Variants in ASIC2 observed in about 807,000 individuals in gnomAD.
ASIC2 encodes the protein acid-sensing ion channel 2.
A neutral mutation model predicts 57.3 loss-of-function variants in ASIC2; 25 were observed. That is an observed-to-expected ratio of 0.44 (90% CI 0.32 to 0.61). ASIC2 has a LOEUF of 0.61. Ranked by LOEUF, ASIC2 falls within the 20% of genes least tolerant of loss-of-function variation. The probability of loss-of-function intolerance (pLI) is 0.06; values close to 1 mark genes in which losing one functional copy is unlikely to be tolerated. For missense variants in ASIC2, 641 were observed against 738.1 expected (o/e 0.87, Z 1.52); for synonymous variants, 319 against 307.5 (o/e 1.04, Z -0.39).
intron 1 of ASIC2, among the ~76,000 whole-genome samples, chr17:34,151,125 AT>A (rs1567617231): frequency 6.8e-6 from 1 of 147,322 alleles, no homozygotes; most frequent in African/African-American, 2.5e-5. Context: ...AAAAAAAAAA[AT>A]AAAGAGGTAG....
chr17:33,014,169 T>C, intron 9 of ASIC2, 103 bp from the exon 10 acceptor site: 1 of 856,808 alleles, frequency 1.2e-6, no homozygotes, highest in Non-Finnish European at 1.9e-6. Context: ...GCTCCCCACT[T>C]GTGGGCTGCT....
intron 1 of ASIC2, among the ~76,000 whole-genome samples, chr17:33,933,887 A>C (rs770333581): frequency 1.3e-5 from 2 of 152,098 alleles, no homozygotes; most frequent in Non-Finnish European, 2.9e-5. Flanking sequence ...GCTGCAGGAG[A>C]TTTTCATGCC....
At chr17:33,511,437 G>A (rs1263120963) in intron 1 of ASIC2, among the ~76,000 whole-genome samples, 1 of 151,974 alleles carries the variant, frequency 6.6e-6, no homozygotes, top group Non-Finnish European at 1.5e-5. Context: ...CTCTATTCTT[G>A]CTCCTTTTCC....
At chr17:33,341,813 T>C (rs1173458392) in intron 1 of ASIC2, among the ~76,000 whole-genome samples, 1 of 152,110 alleles carries the variant, frequency 6.6e-6, no homozygotes, top group Non-Finnish European at 1.5e-5. Context: ...CTAGTGGCTG[T>C]TGGGATAAAC....
chr17:33,660,081 G>T (rs1258318666), intron 1 of ASIC2, among the ~76,000 whole-genome samples: 1 of 151,456 alleles, frequency 6.6e-6, no homozygotes, highest in African/African-American at 2.4e-5. Context: ...AGACTCTGTC[G>T]CAAAAAACAA....
At chr17:33,511,394 T>C (rs1914427447) in intron 1 of ASIC2, among the ~76,000 whole-genome samples, 1 of 152,204 alleles carries the variant, frequency 6.6e-6, no homozygotes, top group African/African-American at 2.4e-5. Context: ...CAACTCAGCA[T>C]GTCCCATCTA....
At chr17:33,530,786 G>T (rs1361176454) in intron 1 of ASIC2, among the ~76,000 whole-genome samples, 3 of 152,196 alleles carry the variant, frequency 2.0e-5, no homozygotes, top group African/African-American at 7.2e-5. Context: ...GTTGGAGACT[G>T]CCTCTCATAG....
intron 1 of ASIC2, among the ~76,000 whole-genome samples, chr17:33,422,105 G>A (rs1911064380): frequency 6.6e-6 from 1 of 152,178 alleles, no homozygotes; most frequent in African/African-American, 2.4e-5. Flanking sequence ...TCCCTGACCT[G>A]CCTCCAGATG....
chr17:33,031,684 T>C (rs1028889220), intron 3 of ASIC2, among the ~76,000 whole-genome samples: 2 of 152,202 alleles, frequency 1.3e-5, no homozygotes, highest in African/African-American at 2.4e-5. Context: ...TAATCAGTTA[T>C]GAGAGAGGAG....
chr17:34,090,047 T>G (rs1006153136), intron 1 of ASIC2, among the ~76,000 whole-genome samples: 1 of 152,178 alleles, frequency 6.6e-6, no homozygotes, highest in South Asian at 2.1e-4. Flanking sequence ...CACAGTCTGA[T>G]GGAAGCTTCA....
intron 1 of ASIC2, among the ~76,000 whole-genome samples, chr17:33,387,291 G>A (rs1247136495): frequency 6.6e-6 from 1 of 152,166 alleles, no homozygotes; most frequent in African/African-American, 2.4e-5. Context: ...GAAAGATTAA[G>A]GAACTCATCA....
At chr17:33,225,066 A>G (rs1162704058) in intron 1 of ASIC2, among the ~76,000 whole-genome samples, 79 of 152,116 alleles carry the variant, frequency 5.2e-4, no homozygotes, top group Non-Finnish European at 1.0e-4. Context: ...TAGAAAAGGC[A>G]CCTCCTGAGT....
At chr17:34,098,593 G>A (rs1375422136) in intron 1 of ASIC2, among the ~76,000 whole-genome samples, 1 of 152,106 alleles carries the variant, frequency 6.6e-6, no homozygotes, top group Non-Finnish European at 1.5e-5. Context: ...CTAACAAAAT[G>A]TCAGCTCCAC....
chr17:33,647,651 T>C (rs181500700), intron 1 of ASIC2, among the ~76,000 whole-genome samples: 1 of 152,350 alleles, frequency 6.6e-6, no homozygotes, highest in African/African-American at 2.4e-5. Flanking sequence ...CATGTGTATA[T>C]CTGTGCTCAT....
At chr17:33,396,722 A>G (rs1910090464) in intron 1 of ASIC2, among the ~76,000 whole-genome samples, 1 of 152,218 alleles carries the variant, frequency 6.6e-6, no homozygotes, top group African/African-American at 2.4e-5. Context: ...ATGGGGACAT[A>G]GTTAGATCAC....
intron 1 of ASIC2, among the ~76,000 whole-genome samples, chr17:33,628,550 C>T (rs908037105): frequency 1.6e-4 from 25 of 152,160 alleles, no homozygotes; most frequent in African/African-American, 6.0e-4. Flanking sequence ...CCTACCTTGA[C>T]CTCCCAAGGT....
chr17:33,617,056 C>A (rs892334260), intron 1 of ASIC2, among the ~76,000 whole-genome samples: 1 of 152,138 alleles, frequency 6.6e-6, no homozygotes, highest in Non-Finnish European at 1.5e-5. Flanking sequence ...GCTTTTGTTT[C>A]CTAACCTAAC....
intron 1 of ASIC2, among the ~76,000 whole-genome samples, chr17:33,819,655 C>T (rs1912690436): frequency 6.6e-6 from 1 of 152,150 alleles, no homozygotes. Context: ...GTGACCTTGG[C>T]CATGCCAGAG....
In ASIC2 at chr17:34,128,900, TC is replaced by T. The variant is rs533614819; in HGVS notation, c.555+27077del. ...ATGCCCCAGCGCCACCATCAGAAAT[TC>T]TGATTTAATCCACCTGTGGTTGGGG... On this transcript the variant is annotated intron_variant, in intron 1 of 9. Coordinates refer to the ASIC2 transcript ENST00000359872. Among the ~76,000 whole-genome samples the T allele has an allele frequency of 5.4e-4, 82 of 152,226 alleles. 1 individual carries two copies. The highest frequency in any genetic ancestry group is 3.4e-3 in the Middle Eastern group (1 of 294).
Sources: allele counts gnomAD v4.1 joint callset (sites outside exome capture counted in the v4.1 genomes callset), GRCh38; gene constraint gnomAD v4.1.1; transcripts MANE v1.5; gene names NCBI Gene and HGNC (gene_info 2026-07-23, HGNC 2026-07-21).